Variants in PLXDC2 observed in about 807,000 individuals in gnomAD.
PLXDC2 encodes the protein plexin domain-containing protein 2.
Under a neutral mutation model 68.9 loss-of-function variants are expected in PLXDC2, and 40 were observed. The ratio of observed to expected loss-of-function variants is 0.58; its 90% CI spans 0.45 to 0.76. PLXDC2 has a LOEUF of 0.76. Ranked by LOEUF, PLXDC2 falls within the 30% of genes least tolerant of loss-of-function variation. PLXDC2 has a pLI of 0.00. For synonymous variants in PLXDC2, 243 were observed against 234.2 expected, an observed-to-expected ratio of 1.04 and a Z score of -0.34; for missense variants, 644 against 661.9, an observed-to-expected ratio of 0.97 and a Z score of 0.30.
rs1394736273 is a variant in PLXDC2 at position 20,288,759 on chromosome 10, G to A, written c.*8940G>A. 2 of 152,152 alleles carry A rather than the reference G, an allele frequency of 1.3e-5. No homozygotes were observed. The highest frequency in any genetic ancestry group is 3.9e-4 in the East Asian group (2 of 5,188). 9.4% of individuals were successfully genotyped at this position (152,152 alleles called of 1,614,324 possible). Reference sequence around the variant, plus strand: ...TGCAGCTCTTTCGGTTCTGCTTACAGTGTGTGGGAAATCTGATTTTTTTCC... The same window carrying A: ...TGCAGCTCTTTCGGTTCTGCTTACAATGTGTGGGAAATCTGATTTTTTTCC... On this transcript the variant is annotated 3_prime_UTR_variant, in exon 14 of 14. Coordinates refer to ENST00000377252, the MANE Select transcript of PLXDC2 (RefSeq NM_032812.9).
At chr10:20,229,726 G>A (rs1564360841) in intron 12 of PLXDC2, among the ~76,000 whole-genome samples, 2 of 152,068 alleles carry the variant, frequency 1.3e-5, no homozygotes, top group Non-Finnish European at 2.9e-5. Flanking sequence ...TTCAGAGCTC[G>A]AATTATTATT....
At chr10:20,083,468 CT>C (rs1294378779) in intron 4 of PLXDC2, among the ~76,000 whole-genome samples, 1 of 137,584 alleles carries the variant, frequency 7.3e-6, no homozygotes, top group African/African-American at 2.7e-5. Flanking sequence ...CAGAGCGAGA[CT>C]CCGTCTCAAA....
At chr10:20,233,987 CT>C (rs113028024) in intron 12 of PLXDC2, among the ~76,000 whole-genome samples, 25 of 144,832 alleles carry the variant, frequency 1.7e-4, no homozygotes, top group East Asian at 8.1e-4. Context: ...TGCCCACCTA[CT>C]TTTTTTTTTT....
chr10:20,275,730 T>C (rs1348548259), intron 13 of PLXDC2, among the ~76,000 whole-genome samples: 4 of 151,826 alleles, frequency 2.6e-5, no homozygotes, highest in African/African-American at 9.7e-5. Flanking sequence ...CTGGCCAACA[T>C]GGCAAAACCC....
chr10:19,991,531 G>C (rs1157615011), intron 1 of PLXDC2, among the ~76,000 whole-genome samples: 1 of 151,640 alleles, frequency 6.6e-6, no homozygotes, highest in East Asian at 1.9e-4. Flanking sequence ...ATGATAATGG[G>C]GTTATGATTT....
chr10:20,009,557 G>A (rs1835076998), intron 2 of PLXDC2, among the ~76,000 whole-genome samples: 1 of 151,846 alleles, frequency 6.6e-6, no homozygotes, highest in Admixed American at 6.6e-5. Context: ...GGCTTCCACA[G>A]AAGATGAGAA....
chr10:19,915,254 T>C lies in PLXDC2; in HGVS notation c.113-86521T>C, dbSNP rs148871097. Among the ~76,000 whole-genome samples the C allele has an allele frequency of 5.8e-3, 890 of 152,312 alleles. 7 individuals carry two copies. The highest frequency in any genetic ancestry group is 0.021 in the African/African-American group (860 of 41,576). On this transcript the variant is annotated intron_variant, in intron 1 of 13. Transcript: ENST00000377252. ...TTTGAACATTTTTAGTGTTCCATTT[T>C]GCTCTACCTATAGTGTTTCTGAGAA...
At chr10:19,984,482 C>A (rs1295955377) in intron 1 of PLXDC2, among the ~76,000 whole-genome samples, 1 of 152,166 alleles carries the variant, frequency 6.6e-6, no homozygotes, top group African/African-American at 2.4e-5. Context: ...TGTCTCAGAG[C>A]ATTTTGCTTT....
intron 13 of PLXDC2, among the ~76,000 whole-genome samples, chr10:20,273,380 A>G (rs1307472237): frequency 6.6e-6 from 1 of 152,112 alleles, no homozygotes; most frequent in Non-Finnish European, 1.5e-5. Flanking sequence ...ATTATTACTG[A>G]AAATAATGCT....
intron 4 of PLXDC2, among the ~76,000 whole-genome samples, chr10:20,131,883 C>G (rs1219083137): frequency 1.3e-5 from 2 of 151,584 alleles, no homozygotes; most frequent in Non-Finnish European, 2.9e-5. Flanking sequence ...TTATTATATC[C>G]TTTCTTAAGC....
At chr10:20,105,145 A>G (rs1381785284) in intron 4 of PLXDC2, among the ~76,000 whole-genome samples, 1 of 151,684 alleles carries the variant, frequency 6.6e-6, no homozygotes, top group Non-Finnish European at 1.5e-5. Flanking sequence ...CTTAAGGAAC[A>G]AGGTGATGCT....
chr10:19,984,756 G>T (rs529257870), intron 1 of PLXDC2, among the ~76,000 whole-genome samples: 1 of 152,294 alleles, frequency 6.6e-6, no homozygotes, highest in Non-Finnish European at 1.5e-5. Context: ...CTCTGATCTA[G>T]CTGCCTCAGT....
At chr10:20,073,262 A>G (rs1836367830) in intron 4 of PLXDC2, among the ~76,000 whole-genome samples, 1 of 152,136 alleles carries the variant, frequency 6.6e-6, no homozygotes, top group Non-Finnish European at 1.5e-5. Context: ...ATCTTACTTC[A>G]TTGTTTTGCC....
At chr10:20,209,124 C>T (rs1212956083) in intron 9 of PLXDC2, among the ~76,000 whole-genome samples, 2 of 152,110 alleles carry the variant, frequency 1.3e-5, no homozygotes, top group Non-Finnish European at 2.9e-5. Context: ...TATCAGGAAA[C>T]AGGGTTTGAG....
chr10:19,861,339 G>A (rs965351810), intron 1 of PLXDC2, among the ~76,000 whole-genome samples: 2 of 151,916 alleles, frequency 1.3e-5, no homozygotes, highest in Admixed American at 1.3e-4. Context: ...CCAGCGTGCT[G>A]GATACTTTTC....
chr10:20,023,678 A>G (rs1021755446), intron 2 of PLXDC2, among the ~76,000 whole-genome samples: 2 of 152,140 alleles, frequency 1.3e-5, no homozygotes, highest in Non-Finnish European at 2.9e-5. Context: ...TAAATTACCC[A>G]GTCTGTGGTA....
intron 1 of PLXDC2, 141 bp downstream of exon 1, chr10:19,817,332 A>G (rs997674713): frequency 4.2e-6 from 3 of 716,026 alleles, no homozygotes; most frequent in Non-Finnish European, 7.0e-6. Flanking sequence ...GGCTAAACTT[A>G]GGCTTCCCAA....
intron 1 of PLXDC2, among the ~76,000 whole-genome samples, chr10:19,819,063 C>A (rs938333339): frequency 2.1e-5 from 3 of 143,404 alleles, no homozygotes; most frequent in African/African-American, 5.2e-5. Context: ...CACACACACA[C>A]AATACACACA....
chr10:20,068,236 G>A lies in PLXDC2; in HGVS notation c.538G>A (p.Gly180Arg), dbSNP rs1180069833. 5 of 1,609,932 alleles carry A rather than the reference G, an allele frequency of 3.1e-6. No individual in the cohort carries two copies. Among genetic ancestry groups the A allele is most frequent in the African/African-American group, 1.3e-5 (1 of 74,910 alleles). The change falls in exon 4 of 14, where the codon GGG (glycine) becomes AGG (arginine). Residue 180 changes from glycine to arginine, a missense_variant. By Grantham distance (125) the Gly-to-Arg change is moderately radical. This residue lies in a region of PLXDC2 where 113 missense variants were observed against 167.1 expected (regional missense o/e 0.68). Transcript: ENST00000377252. ...HFLREITVATGGFIYTGEVVH... is the reference protein window; with the variant it reads ...HFLREITVATRGFIYTGEVVH... Reference sequence around the variant, plus strand: ...CCTACGTGAAATCACTGTGGCAACCGGGGGTAAGTGGTTTTCTACCCATTC... The same window carrying A: ...CCTACGTGAAATCACTGTGGCAACCAGGGGTAAGTGGTTTTCTACCCATTC...
Sources: gnomAD v4.1 joint callset for allele counts (sites outside exome capture counted in the v4.1 genomes callset) on GRCh38, gnomAD v4.1.1 for gene constraint, gnomAD v4.1.1 regional missense constraint, MANE v1.5 for transcripts, NCBI Gene and HGNC (gene_info 2026-07-23, HGNC 2026-07-21) for gene names.